ACSBG1: variants seen among roughly 807,000 people sequenced by gnomAD.
The protein encoded by ACSBG1 is acyl-CoA synthetase bubblegum family member 1, also known as long-chain-fatty-acid--CoA ligase ACSBG1.
In ACSBG1, 39 loss-of-function variants were observed where a neutral mutation model predicts 80.2. The ratio of observed to expected loss-of-function variants is 0.49; its 90% CI spans 0.38 to 0.64. The LOEUF (loss-of-function observed/expected upper bound fraction) is 0.64. Ranked by LOEUF, ACSBG1 falls within the 30% of genes least tolerant of loss-of-function variation. The probability of loss-of-function intolerance (pLI) is 0.00; values close to 1 mark genes in which losing one functional copy is unlikely to be tolerated. For missense variants in ACSBG1, 828 were observed against 966.4 expected (o/e 0.86, Z 1.90); for synonymous variants, 392 against 379.5 (o/e 1.03, Z -0.38).
chr15:78,187,246 CA>C (rs2075013118), intron 5 of ACSBG1, among the ~76,000 whole-genome samples: 1 of 152,194 alleles, frequency 6.6e-6, no homozygotes, highest in African/African-American at 2.4e-5. Flanking sequence ...ATCAGAGGTA[CA>C]AGGAGGAGCT....
At chr15:78,230,978 G>A (rs55639638) in intron 1 of ACSBG1, among the ~76,000 whole-genome samples, 16 of 152,188 alleles carry the variant, frequency 1.1e-4, no homozygotes, top group Middle Eastern at 3.4e-3. Context: ...TATTTATCTA[G>A]TTTTTGAGAC....
chr15:78,185,471 T>C (rs940095207), intron 5 of ACSBG1, among the ~76,000 whole-genome samples: 3 of 151,746 alleles, frequency 2.0e-5, no homozygotes, highest in East Asian at 1.9e-4. Context: ...GCCTTAAACA[T>C]AGCCTCAAAA....
intron 7 of ACSBG1, 36 bp from the exon 8 acceptor site, chr15:78,182,181 C>G: frequency 6.3e-7 from 1 of 1,592,232 alleles, no homozygotes; most frequent in Non-Finnish European, 8.5e-7. Context: ...GCAGTGTCCA[C>G]AAGCCAGCCC....
chr15:78,178,403 A>G lies in ACSBG1; in HGVS notation c.1702+211T>C, dbSNP rs546980832. On this transcript the variant is annotated intron_variant, in intron 11 of 13. Transcript: ENST00000258873. The surrounding 1 kb of genome is among the most constrained non-coding windows in gnomAD (Gnocchi z 4.3). ...AACCTCTGCCTCCCGGGTTCAAGTA[A>G]TTCTCGTGCCTCAGCCTCCCGAATA... Among the ~76,000 whole-genome samples, 5 of 152,250 alleles carry G rather than the reference A, an allele frequency of 3.3e-5. No homozygotes were observed. Among genetic ancestry groups the G allele is most frequent in the African/African-American group, 1.2e-4 (5 of 41,548 alleles).
intron 1 of ACSBG1, among the ~76,000 whole-genome samples, chr15:78,230,430 G>A (rs1264584700): frequency 2.6e-5 from 4 of 152,202 alleles, no homozygotes; most frequent in African/African-American, 9.6e-5. Flanking sequence ...ACACTGGGAA[G>A]CAGGGGGAAG....
rs1194673277 is a variant in ACSBG1, at chr15:78,219,154, T to A, written c.132-11052A>T. The stretch of plus-strand genomic sequence containing the variant: ...ACTATATGCACTGCCTGAATTTAGG[T>A]GAAGCTCTATGAGGTCCTTGGCACC... On this transcript the variant is annotated intron_variant, in intron 1 of 13. Transcript: ENST00000258873. Among the ~76,000 whole-genome samples the A allele has an allele frequency of 3.3e-5, 5 of 152,088 alleles. No individual in the cohort carries two copies. In the East Asian group the frequency reaches 7.7e-4, roughly 23 times the overall value.
chr15:78,181,196 T>C, intron 8 of ACSBG1: 1 of 468,026 alleles, frequency 2.1e-6, no homozygotes, highest in Non-Finnish European at 3.8e-6. Flanking sequence ...CAACTCTCCA[T>C]GAGTCTAACT....
rs1385070178 is a variant in ACSBG1 at position 78,178,108 on chromosome 15, G to A, written c.1702+506C>T. ...GGCAAGTTACTTAACCTCTCTGGAT[G>A]TCCTCATTAGCAAGTTAAGGTTAAT... is the stretch of plus-strand genomic sequence containing the variant. On this transcript the variant is annotated intron_variant, in intron 11 of 13. Transcript: ENST00000258873. The surrounding 1 kb of genome is among the most constrained non-coding windows in gnomAD (Gnocchi z 4.3). Among the ~76,000 whole-genome samples, 2 of 152,112 alleles carry A rather than the reference G, an allele frequency of 1.3e-5. No individual in the cohort carries two copies. The highest frequency in any genetic ancestry group is 1.3e-4 in the Admixed American group (2 of 15,284).
At chr15:78,174,958 A>G (rs1434670479) in intron 11 of ACSBG1, 1 of 182,252 alleles carries the variant, frequency 5.5e-6, no homozygotes, top group African/African-American at 2.4e-5. Context: ...CCAATAATGA[A>G]GCAGACACTC....
At chr15:78,179,027 A>G (rs2074913429) in intron 10 of ACSBG1, 196 bp from the exon 11 acceptor site, 2 of 598,210 alleles carry the variant, frequency 3.3e-6, no homozygotes, top group Non-Finnish European at 5.9e-6. Flanking sequence ...GAAGGAAGGA[A>G]GGAACAAATG....
chr15:78,228,655 C>A (rs2075423125), intron 1 of ACSBG1, among the ~76,000 whole-genome samples: 1 of 152,210 alleles, frequency 6.6e-6, no homozygotes, highest in African/African-American at 2.4e-5. Flanking sequence ...GCCCTAGAGA[C>A]TCACGCTTTC....
chr15:78,218,868 G>A (rs1567097964), intron 1 of ACSBG1, among the ~76,000 whole-genome samples: 1 of 145,758 alleles, frequency 6.9e-6, no homozygotes, highest in African/African-American at 2.6e-5. Flanking sequence ...CTGGAGTGCA[G>A]TGGCGCGATC....
intron 2 of ACSBG1, among the ~76,000 whole-genome samples, chr15:78,202,843 G>A (rs549335179): frequency 4.6e-5 from 7 of 152,290 alleles, no homozygotes; most frequent in African/African-American, 1.4e-4. Flanking sequence ...TGTACAGCGA[G>A]AATGTGGAGA....
At position 78,177,281 on chromosome 15, in the gene ACSBG1, G is replaced by A. The variant is rs781445912; in HGVS notation, c.1702+1333C>T. On this transcript the variant is annotated intron_variant, in intron 11 of 13. Transcript: ENST00000258873. This position sits in a 1 kb window ranked among gnomAD's most constrained non-coding sequence, Gnocchi z 4.1. ...ATTAAGACACTGGGTATTGGTGCAC[G>A]GATAGGCGAATAGACCAAGGGAACA... 3.3e-5 allele frequency among the ~76,000 whole-genome samples: 5 copies of A among 152,130 alleles called. No individual in the cohort carries two copies. The highest frequency in any genetic ancestry group is 7.3e-5 in the Non-Finnish European group (5 of 68,030).
At chr15:78,198,513 A>AT (rs1160786249) in intron 2 of ACSBG1, among the ~76,000 whole-genome samples, 14 of 147,700 alleles carry the variant, frequency 9.5e-5, no homozygotes, top group African/African-American at 3.5e-4. Flanking sequence ...TGCCTGGCTA[A>AT]TTTTTGCATT....
chr15:78,229,586 C>G (rs982458261), intron 1 of ACSBG1, among the ~76,000 whole-genome samples: 1 of 152,204 alleles, frequency 6.6e-6, no homozygotes, highest in Non-Finnish European at 1.5e-5. Context: ...GGGGGCTCCT[C>G]TCTGCACCCA....
At chr15:78,220,994 T>C (rs2075355370) in intron 1 of ACSBG1, among the ~76,000 whole-genome samples, 1 of 152,238 alleles carries the variant, frequency 6.6e-6, no homozygotes, top group African/African-American at 2.4e-5. Flanking sequence ...ACACAAAGAC[T>C]TGTACATAAA....
At chr15:78,230,964 G>A (rs920234215) in intron 1 of ACSBG1, among the ~76,000 whole-genome samples, 12 of 152,164 alleles carry the variant, frequency 7.9e-5, no homozygotes, top group African/African-American at 2.9e-4. Context: ...TGATCTCTCT[G>A]CCTTATTTAT....
At chr15:78,209,041 T>C (rs1410270829) in intron 1 of ACSBG1, 6 of 422,684 alleles carry the variant, frequency 1.4e-5, no homozygotes, top group South Asian at 5.0e-5. Context: ...CAGCTGGTCA[T>C]GGTGTCCCTG....
Sources: allele counts gnomAD v4.1 joint callset (sites outside exome capture counted in the v4.1 genomes callset), GRCh38; gene constraint gnomAD v4.1.1; non-coding constraint Gnocchi (gnomAD v3.1); transcripts MANE v1.5; gene names NCBI Gene and HGNC (gene_info 2026-07-23, HGNC 2026-07-21).